Variants in ZEB2 observed in about 807,000 individuals in gnomAD.
ZEB2 encodes the protein zinc finger E-box binding homeobox 2.
In ZEB2, 6 loss-of-function variants were observed where a neutral mutation model predicts 99.9. That is an observed-to-expected ratio of 0.06 (90% CI 0.03 to 0.12). ZEB2 has a LOEUF of 0.12. ZEB2 is among the 10% of genes least tolerant of loss of function. The pLI, the probability that ZEB2 is intolerant of heterozygous loss-of-function variation, is 1.00. For synonymous variants in ZEB2, 517 were observed against 542.5 expected, an observed-to-expected ratio of 0.95 and a Z score of 0.65; for missense variants, 969 against 1,502.8, an observed-to-expected ratio of 0.64 and a Z score of 5.87.
At chr2:144,497,512 CTTT>C (rs1292320141) in intron 2 of ZEB2, among the ~76,000 whole-genome samples, 1 of 151,918 alleles carries the variant, frequency 6.6e-6, no homozygotes, top group Non-Finnish European at 1.5e-5. Flanking sequence ...GAAAATTTTT[CTTT>C]TTTTACAATT....
At chr2:144,471,429 C>G (rs1704353779) in intron 2 of ZEB2, among the ~76,000 whole-genome samples, 1 of 152,048 alleles carries the variant, frequency 6.6e-6, no homozygotes, top group African/African-American at 2.4e-5. Context: ...GTTACCCAGG[C>G]AGCACAGCTA....
At chr2:144,468,537 G>A (rs1255982657) in intron 2 of ZEB2, among the ~76,000 whole-genome samples, 1 of 152,124 alleles carries the variant, frequency 6.6e-6, no homozygotes, top group Non-Finnish European at 1.5e-5. Flanking sequence ...GTAAGGAACA[G>A]GCATGCCATT....
intron 2 of ZEB2, among the ~76,000 whole-genome samples, chr2:144,482,749 T>C (rs1704531910): frequency 1.1e-5 from 1 of 95,214 alleles, no homozygotes; most frequent in Non-Finnish European, 2.8e-5. Context: ...TTTCTGATAT[T>C]TCTTTTTTTT....
intron 2 of ZEB2, among the ~76,000 whole-genome samples, chr2:144,468,816 T>C (rs1560637209): frequency 6.6e-6 from 1 of 152,122 alleles, no homozygotes; most frequent in Non-Finnish European, 1.5e-5. Context: ...TTCCTGTTCA[T>C]TATTCACATG....
chr2:144,396,828 G>A (rs1161020165), intron 8 of ZEB2, among the ~76,000 whole-genome samples: 1 of 151,798 alleles, frequency 6.6e-6, no homozygotes, highest in African/African-American at 2.4e-5. Context: ...GTTTTTTAAG[G>A]ACAGGAAATG....
chr2:144,413,310 A>C (rs1248610940), intron 4 of ZEB2, among the ~76,000 whole-genome samples: 1 of 152,270 alleles, frequency 6.6e-6, no homozygotes, highest in Non-Finnish European at 1.5e-5. Context: ...GAATGAATGA[A>C]GGAGGCACTC....
intron 4 of ZEB2, among the ~76,000 whole-genome samples, chr2:144,422,536 A>G (rs1445185650): frequency 1.3e-5 from 2 of 152,240 alleles, no homozygotes; most frequent in Non-Finnish European, 2.9e-5. Flanking sequence ...GCAGTGGCAC[A>G]TGCCTGTAAT....
At chr2:144,460,482 C>T (rs754267331) in intron 2 of ZEB2, among the ~76,000 whole-genome samples, 17 of 151,956 alleles carry the variant, frequency 1.1e-4, no homozygotes, top group Non-Finnish European at 2.5e-4. Flanking sequence ...TGACCTTGTT[C>T]CCAGGATTTG....
At chr2:144,441,164 CGAGAGAGAGAGAGAGAGA>C (rs113731061) in intron 2 of ZEB2, among the ~76,000 whole-genome samples, 2 of 88,852 alleles carry the variant, frequency 2.3e-5, no homozygotes, top group African/African-American at 8.9e-5. Flanking sequence ...TTTAGCTGCA[CGAGAGAGAGAGAGAGAGA>C]GAGAGAGAGA....
intron 9 of ZEB2, among the ~76,000 whole-genome samples, chr2:144,395,916 A>T (rs969152183): frequency 2.6e-4 from 40 of 152,004 alleles, no homozygotes; most frequent in African/African-American, 9.7e-4. Context: ...TTCTTTTATG[A>T]CACTAATGCC....
intron 9 of ZEB2, among the ~76,000 whole-genome samples, chr2:144,390,944 A>G (rs1479948135): frequency 6.6e-6 from 1 of 152,266 alleles, no homozygotes; most frequent in Non-Finnish European, 1.5e-5. Context: ...AAAAATTATC[A>G]GCCTGATGCT....
At chr2:144,452,741 C>A (rs1406364590) in intron 2 of ZEB2, among the ~76,000 whole-genome samples, 2 of 152,096 alleles carry the variant, frequency 1.3e-5, no homozygotes, top group African/African-American at 4.8e-5. Context: ...CTGTCGCCAT[C>A]TCGGTATTTA....
chr2:144,489,713 G>T (rs1043002958), intron 2 of ZEB2, among the ~76,000 whole-genome samples: 4 of 152,174 alleles, frequency 2.6e-5, no homozygotes, highest in African/African-American at 9.7e-5. Flanking sequence ...TGCTCATTTG[G>T]GTGCGCAGCA....
At chr2:144,463,934 A>C (rs1322523726) in intron 2 of ZEB2, 4 of 152,132 alleles carry the variant, frequency 2.6e-5, no homozygotes, top group African/African-American at 9.7e-5. Context: ...AGAAAAGAAA[A>C]AGTAAAAGAA....
chr2:144,430,337 T>C (rs559693974), intron 2 of ZEB2, among the ~76,000 whole-genome samples: 1 of 152,292 alleles, frequency 6.6e-6, no homozygotes, highest in South Asian at 2.1e-4. Flanking sequence ...ATATGTACTT[T>C]CGATACTCCA....
chr2:144,402,941 T>C (rs1703332784), intron 6 of ZEB2, among the ~76,000 whole-genome samples: 2 of 152,348 alleles, frequency 1.3e-5, no homozygotes, highest in South Asian at 2.1e-4. Flanking sequence ...TCATTTTCCT[T>C]ATTCGAAGAA....
chr2:144,472,642 T>C (rs1166886822), intron 2 of ZEB2, among the ~76,000 whole-genome samples: 1 of 151,980 alleles, frequency 6.6e-6, no homozygotes, highest in East Asian at 1.9e-4. Flanking sequence ...GTGGTGGAAA[T>C]GGAAGTTTTG....
chr2:144,388,965 C>T lies in ZEB2; in HGVS notation c.*486G>A, dbSNP rs1035019255. 6 of 443,018 alleles carry T rather than the reference C, an allele frequency of 1.4e-5. No individual in the cohort carries two copies. The highest frequency in any genetic ancestry group is 8.4e-5 in the African/African-American group (4 of 47,710). 27.4% of individuals were successfully genotyped at this position (443,018 alleles called of 1,614,324 possible). On this transcript the variant is annotated 3_prime_UTR_variant, in exon 10 of 10. Transcript: ENST00000627532. This position sits in a 1 kb window ranked among gnomAD's most constrained non-coding sequence, Gnocchi z 5.4. ...AAAAAAATGGGAAATTGATGAATAG[C>T]GAAAGGAAAGTACAGAGGAATCATA...
intron 2 of ZEB2, among the ~76,000 whole-genome samples, chr2:144,511,162 C>G (rs983156180): frequency 1.3e-5 from 2 of 152,200 alleles, no homozygotes; most frequent in African/African-American, 4.8e-5. Flanking sequence ...CTTCTAATAA[C>G]TGTTGTTTCC....
Sources: gnomAD v4.1 joint callset for allele counts (sites outside exome capture counted in the v4.1 genomes callset) on GRCh38, gnomAD v4.1.1 for gene constraint, Gnocchi (gnomAD v3.1) non-coding constraint, MANE v1.5 for transcripts, NCBI Gene and HGNC (gene_info 2026-07-23, HGNC 2026-07-21) for gene names.